MAPRE3: variants seen among roughly 807,000 people sequenced by gnomAD.
The protein encoded by MAPRE3 is microtubule-associated protein RP/EB family member 3.
MAPRE3 carries 2 observed loss-of-function variants against 30.5 expected under a neutral mutation model. The ratio of observed to expected loss-of-function variants is 0.07; its 90% CI spans 0.03 to 0.21. MAPRE3 has a LOEUF of 0.21. MAPRE3 is among the 10% of genes least tolerant of loss of function. MAPRE3 has a pLI of 1.00. For synonymous variants in MAPRE3, 110 were observed against 127.7 expected (o/e 0.86, Z 0.93); for missense variants, 204 against 351.8 (o/e 0.58, Z 3.36).
chr2:26,972,545 G>A lies in MAPRE3; in HGVS notation c.-8+1743G>A, dbSNP rs116302773. 8.3e-3 allele frequency among the ~76,000 whole-genome samples: 1,270 copies of A among 152,358 alleles called. 18 individuals are homozygous for A. The highest frequency in any genetic ancestry group is 0.03 in the African/African-American group (1,234 of 41,570). ...GTGGGATGCACCTGCCTGTGGTGCAGTGGGAACTGTGGGGCCTGAGAGTGG... is the reference window on the plus strand; with the variant it reads ...GTGGGATGCACCTGCCTGTGGTGCAATGGGAACTGTGGGGCCTGAGAGTGG... On this transcript the variant is annotated intron_variant, in intron 1 of 6. Transcript: ENST00000233121.
intron 6 of MAPRE3, 81 bp from the exon 7 acceptor site, chr2:27,026,199 G>T: frequency 7.0e-7 from 1 of 1,435,406 alleles, no homozygotes; most frequent in Non-Finnish European, 9.6e-7. Flanking sequence ...CTGACCCCTT[G>T]CTCTTCAGCT....
chr2:27,019,965 A>G (rs1308787595), intron 1 of MAPRE3, among the ~76,000 whole-genome samples: 2 of 152,226 alleles, frequency 1.3e-5, no homozygotes, highest in South Asian at 2.1e-4. Flanking sequence ...GTGCCTGCAG[A>G]TCCTCCGGGC....
At chr2:27,023,998 C>T in intron 3 of MAPRE3, 98 bp from the exon 4 acceptor site, 1 of 917,228 alleles carries the variant, frequency 1.1e-6, no homozygotes, top group African/African-American at 1.6e-5. Context: ...CGCTGCAGCC[C>T]AGGGGCTGGC....
chr2:26,994,207 G>T lies in MAPRE3; in HGVS notation c.-8+23405G>T, dbSNP rs537121084. Among the ~76,000 whole-genome samples, 8 of 152,268 alleles carry T rather than the reference G, an allele frequency of 5.3e-5. No individual in the cohort carries two copies. The East Asian group carries it at 1.5e-3, about 29-fold the overall frequency. On this transcript the variant is annotated intron_variant, in intron 1 of 6. Transcript: ENST00000233121. Reference sequence around the variant, plus strand: ...TATCAGCTTTTCTTGAGGTCACCAAGCCCTGAGAAAACTGACTTACATTTA... The same window carrying T: ...TATCAGCTTTTCTTGAGGTCACCAATCCCTGAGAAAACTGACTTACATTTA...
At position 27,024,203 on chromosome 2, in the gene MAPRE3, C is replaced by A; in HGVS notation, c.375C>A (p.Asn125Lys). 6.2e-7 allele frequency: 1 copy of A among 1,614,230 alleles called. No homozygotes were observed. The highest frequency in any genetic ancestry group is 8.5e-7 in the Non-Finnish European group (1 of 1,180,018). ...FDANYDGKDYNPLLARQGQDV... is the reference protein window; with the variant it reads ...FDANYDGKDYKPLLARQGQDV... The stretch of plus-strand genomic sequence containing the variant: ...CAAACTATGATGGAAAGGATTACAA[C>A]CCTCTGCTGGCGCGGCAGGGCCAGG... The change falls in exon 4 of 7, where the codon AAC (asparagine) becomes AAA (lysine). Residue 125 changes from asparagine to lysine, a missense_variant. Asn to Lys is a moderately conservative substitution (Grantham distance 94). Transcript: ENST00000233121.
At chr2:27,018,429 C>T (rs1204105925) in intron 1 of MAPRE3, among the ~76,000 whole-genome samples, 4 of 152,176 alleles carry the variant, frequency 2.6e-5, no homozygotes, top group African/African-American at 9.7e-5. Flanking sequence ...GCCCTGGGGT[C>T]ATTCACATCC....
At chr2:26,977,941 C>A (rs1666044391) in intron 1 of MAPRE3, among the ~76,000 whole-genome samples, 1 of 152,214 alleles carries the variant, frequency 6.6e-6, no homozygotes, top group Non-Finnish European at 1.5e-5. Context: ...AGTTGAAGAA[C>A]ATATGGCCTG....
chr2:26,996,587 G>C (rs1158388101), intron 1 of MAPRE3, among the ~76,000 whole-genome samples: 1 of 152,116 alleles, frequency 6.6e-6, no homozygotes, highest in Non-Finnish European at 1.5e-5. Context: ...CAGATCATGA[G>C]GTCAGGAGAT....
intron 1 of MAPRE3, among the ~76,000 whole-genome samples, chr2:26,975,632 A>G (rs184441438): frequency 6.7e-6 from 1 of 150,128 alleles, no homozygotes; most frequent in Admixed American, 6.6e-5. Flanking sequence ...AAGGAGACTC[A>G]AAGGGGAACT....
chr2:27,022,182 G>C, intron 1 of MAPRE3, 30 bp from the exon 2 acceptor site: 1 of 1,609,962 alleles, frequency 6.2e-7, no homozygotes, highest in South Asian at 1.1e-5. Flanking sequence ...AGGCCCCAGT[G>C]CTGACCTCAC....
In MAPRE3 at chr2:26,985,558, G is replaced by C. The variant is rs903819963; in HGVS notation, c.-8+14756G>C. On this transcript the variant is annotated intron_variant, in intron 1 of 6. Coordinates refer to ENST00000233121, the MANE Select transcript of MAPRE3 (RefSeq NM_012326.4). The surrounding 1 kb of genome is among the most constrained non-coding windows in gnomAD (Gnocchi z 4.2). ...TCAGAGCAACCCCTGGAGAATGAGA[G>C]AGCAGCCTAGGAAGTCCCAGTGAGA... is the stretch of plus-strand genomic sequence containing the variant. 3.3e-5 allele frequency among the ~76,000 whole-genome samples: 5 copies of C among 152,152 alleles called. No individual in the cohort carries two copies. The highest frequency in any genetic ancestry group is 2.6e-4 in the Admixed American group (4 of 15,284).
At chr2:26,987,645 C>CA (rs1268415782) in intron 1 of MAPRE3, among the ~76,000 whole-genome samples, 2 of 151,358 alleles carry the variant, frequency 1.3e-5, no homozygotes, top group Non-Finnish European at 3.0e-5. Flanking sequence ...TCTCAAAAAA[C>CA]AAAAAAAGAA....
At position 27,026,482 on chromosome 2, in the gene MAPRE3, G is replaced by C; in HGVS notation, c.*134G>C. ...GTGCTGCAGCACTGGGGAGCCAGGC[G>C]AGGGGGGCTTGGGGGCATGGGGCCG... is the stretch of plus-strand genomic sequence containing the variant. On this transcript the variant is annotated 3_prime_UTR_variant, in exon 7 of 7. Transcript: ENST00000233121. 1 of 755,226 alleles carries C rather than the reference G, an allele frequency of 1.3e-6. No homozygotes were observed. The highest frequency in any genetic ancestry group is 2.1e-6 in the Non-Finnish European group (1 of 475,882). 46.8% of individuals were successfully genotyped at this position (755,226 alleles called of 1,614,324 possible). A position where few individuals can be genotyped will look rare whatever the true frequency, so the allele number is the denominator to read the frequency against.
At chr2:26,994,643 T>C (rs1666413996) in intron 1 of MAPRE3, among the ~76,000 whole-genome samples, 2 of 152,198 alleles carry the variant, frequency 1.3e-5, no homozygotes, top group Admixed American at 1.3e-4. Context: ...TAGCTTATTT[T>C]GCACTGATAA....
At chr2:27,007,237 G>C (rs1666750642) in intron 1 of MAPRE3, among the ~76,000 whole-genome samples, 1 of 152,192 alleles carries the variant, frequency 6.6e-6, no homozygotes, top group South Asian at 2.1e-4. Context: ...GGTGAGCCCA[G>C]ATTGGCAGGT....
chr2:26,991,589 T>C (rs889231686), intron 1 of MAPRE3, among the ~76,000 whole-genome samples: 1 of 152,216 alleles, frequency 6.6e-6, no homozygotes, highest in Non-Finnish European at 1.5e-5. Context: ...CCTACTCTTT[T>C]TCTAAACAAT....
At chr2:26,993,263 G>A (rs781275125) in intron 1 of MAPRE3, among the ~76,000 whole-genome samples, 28 of 152,086 alleles carry the variant, frequency 1.8e-4, no homozygotes, top group Admixed American at 1.6e-3. Context: ...CCTGCTACTC[G>A]GGAGGCTGAG....
intron 1 of MAPRE3, among the ~76,000 whole-genome samples, chr2:26,990,909 A>G (rs1240900003): frequency 6.6e-6 from 1 of 152,172 alleles, no homozygotes; most frequent in East Asian, 1.9e-4. Context: ...GCCTGTCACC[A>G]GTGCCCAGCA....
rs1666024640 is a variant in MAPRE3, at chr2:26,976,880, ATATT to A, written c.-8+6081_-8+6084del. On this transcript the variant is annotated intron_variant, in intron 1 of 6. Transcript: ENST00000233121. ...TAGACCAGAAAGTGCCATTCTAGCA[ATATT>A]TAGAAAATCAGAGGTGTGTACAGAA... Among the ~76,000 whole-genome samples the A allele has an allele frequency of 2.0e-5, 3 of 152,250 alleles. No individual in the cohort carries two copies. The South Asian group carries it at 6.2e-4, about 31-fold the overall frequency.
Sources: allele counts gnomAD v4.1 joint callset (sites outside exome capture counted in the v4.1 genomes callset), GRCh38; gene constraint gnomAD v4.1.1; non-coding constraint Gnocchi (gnomAD v3.1); transcripts MANE v1.5; gene names NCBI Gene and HGNC (gene_info 2026-07-23, HGNC 2026-07-21).